EDA2R: variants seen among roughly 807,000 people sequenced by gnomAD.
EDA2R encodes tumor necrosis factor receptor superfamily member 27.
A neutral mutation model predicts 20.1 loss-of-function variants in EDA2R; 26 were observed. The ratio of observed to expected loss-of-function variants is 1.30; its 90% CI spans 0.95 to 1.80. The LOEUF (loss-of-function observed/expected upper bound fraction) is 1.80, where lower values mean the gene tolerates loss of function less well. Among genes scored for constraint, EDA2R ranks in the 40% most tolerant of loss-of-function variants. The pLI, the probability that EDA2R is intolerant of heterozygous loss-of-function variation, is 0.00. For missense variants in EDA2R, 277 were observed against 228.7 expected (o/e 1.21, Z -1.36); for synonymous variants, 114 against 88.7 (o/e 1.29, Z -1.60).
chrX:66,626,639 G>A (rs1224428973), intron 1 of EDA2R, among the ~76,000 whole-genome samples: 3 of 110,147 alleles, frequency 2.7e-5, no homozygotes, highest in Non-Finnish European at 5.7e-5. Context: ...TAGAGATCTA[G>A]ACATCCAAAT....
chrX:66,626,735 C>T (rs911087190), intron 1 of EDA2R, among the ~76,000 whole-genome samples: 1 of 93,982 alleles, frequency 1.1e-5, no homozygotes, highest in Non-Finnish European at 2.1e-5. Context: ...CTAAAGTTAA[C>T]ACAAAGGAAA....
chrX:66,615,308 T>G (rs1931481061), intron 2 of EDA2R, among the ~76,000 whole-genome samples: 1 of 111,845 alleles, frequency 8.9e-6, no homozygotes, highest in Non-Finnish European at 1.9e-5. Flanking sequence ...TGCTAGCTGC[T>G]TGCTTCTGGC....
intron 2 of EDA2R, among the ~76,000 whole-genome samples, chrX:66,615,353 C>G (rs964247438): frequency 8.9e-6 from 1 of 111,779 alleles, no homozygotes; most frequent in Non-Finnish European, 1.9e-5. Context: ...AATTTAATAC[C>G]ACCCCCAAGT....
chrX:66,610,796 G>T (rs865930644), intron 2 of EDA2R, among the ~76,000 whole-genome samples: 4 of 111,409 alleles, frequency 3.6e-5, no homozygotes, highest in Admixed American at 9.5e-5. Context: ...GGCACAAATT[G>T]TTGGCCTGAG....
rs771141382 is a variant in EDA2R at position 66,596,625 on chromosome X, G to T, written c.*1479C>A. On this transcript the variant is annotated 3_prime_UTR_variant, in exon 7 of 7. Coordinates refer to ENST00000374719, the MANE Select transcript of EDA2R (RefSeq NM_021783.5). ...CACTGCCAGCCACATGGCAACCTTT[G>T]AACACCTGCAGCCTGCTGAAGCCAA... The T allele has an allele frequency of 1.8e-5, 2 of 111,325 alleles. No homozygotes were observed. Among genetic ancestry groups the T allele is most frequent in the East Asian group, 5.7e-4 (2 of 3,539 alleles). 9.2% of individuals were successfully genotyped at this position (111,325 alleles called of 1,213,427 possible). A position where few individuals can be genotyped will look rare whatever the true frequency, so the allele number is the denominator to read the frequency against.
chrX:66,610,039 T>C (rs1403095179), intron 2 of EDA2R, among the ~76,000 whole-genome samples: 1 of 111,184 alleles, frequency 9.0e-6, no homozygotes, highest in Non-Finnish European at 1.9e-5. Flanking sequence ...TATAATTACA[T>C]AAAAATTTTA....
At chrX:66,611,120 G>A (rs1228816927) in intron 2 of EDA2R, among the ~76,000 whole-genome samples, 2 of 111,535 alleles carry the variant, frequency 1.8e-5, no homozygotes, top group African/African-American at 3.3e-5. Context: ...GATAAACCCC[G>A]CAGACCAAAA....
rs975440752 is a variant in EDA2R at position 66,597,872 on chromosome X, G to T, written c.*232C>A. 19 of 239,137 alleles carry T rather than the reference G, an allele frequency of 7.9e-5. No homozygotes were observed. The highest frequency in any genetic ancestry group is 1.3e-4 in the Non-Finnish European group (19 of 146,281). 19.7% of individuals were successfully genotyped at this position (239,137 alleles called of 1,213,427 possible). The stretch of plus-strand genomic sequence containing the variant: ...GAACATGTCTGGTAGTCCCATGAAT[G>T]TGGAATCTGGCTCCCCAGACTACAA... On this transcript the variant is annotated 3_prime_UTR_variant, in exon 7 of 7. Transcript: ENST00000374719.
rs753643237 is a variant in EDA2R, at chrX:66,598,082, G to T, written c.*22C>A. ...AGAACAACTGGGCAAGGCTGCCAGGGGCCCAAGAGACCTAAGGAGAGAGCA... is the reference window on the plus strand; with the variant it reads ...AGAACAACTGGGCAAGGCTGCCAGGTGCCCAAGAGACCTAAGGAGAGAGCA... On this transcript the variant is annotated 3_prime_UTR_variant, in exon 7 of 7. Transcript: ENST00000374719. 41 of 955,702 alleles carry T rather than the reference G, an allele frequency of 4.3e-5. No homozygotes were observed. The South Asian group carries it at 7.4e-4, about 17-fold the overall frequency. The allele number at this position is 955,702 out of a possible 1,213,427, so 78.8% of individuals were successfully genotyped here.
intron 1 of EDA2R, among the ~76,000 whole-genome samples, chrX:66,629,335 C>T (rs940974142): frequency 2.7e-5 from 3 of 111,385 alleles, no homozygotes; most frequent in Admixed American, 1.9e-4. Context: ...TGGAAGTCCT[C>T]GCCAGAGCAA....
intron 1 of EDA2R, among the ~76,000 whole-genome samples, chrX:66,618,318 C>A (rs943888060): frequency 4.5e-5 from 5 of 112,039 alleles, no homozygotes; most frequent in African/African-American, 1.6e-4. Flanking sequence ...GAGGTCAGGG[C>A]GTATGTGTAA....
At chrX:66,633,603 G>T (rs1195870930) in intron 1 of EDA2R, among the ~76,000 whole-genome samples, 2 of 111,343 alleles carry the variant, frequency 1.8e-5, no homozygotes, top group African/African-American at 6.5e-5. Context: ...GGGAACAAAG[G>T]GTATTGGAGA....
At chrX:66,618,280 A>C (rs1420018605) in intron 1 of EDA2R, among the ~76,000 whole-genome samples, 2 of 112,024 alleles carry the variant, frequency 1.8e-5, no homozygotes, top group Non-Finnish European at 3.8e-5. Context: ...TAAAGAGAAC[A>C]AAATTATAGA....
At chrX:66,600,087 TC>T in intron 5 of EDA2R, 1 of 1,155,735 alleles carries the variant, frequency 8.7e-7, no homozygotes, top group Non-Finnish European at 1.2e-6. Flanking sequence ...GAGAAAATAA[TC>T]AATTTCTCTA....
chrX:66,600,071 G>T, intron 5 of EDA2R: 8 of 1,159,550 alleles, frequency 6.9e-6, no homozygotes, highest in Non-Finnish European at 9.2e-6. Context: ...AGCTGGTACT[G>T]GATCAGAGAA....
chrX:66,612,827 A>T (rs1931012799), intron 2 of EDA2R, among the ~76,000 whole-genome samples: 1 of 111,729 alleles, frequency 9.0e-6, no homozygotes, highest in Non-Finnish European at 1.9e-5. Context: ...ATTTTTAATA[A>T]ATTAAGGAGC....
intron 1 of EDA2R, among the ~76,000 whole-genome samples, chrX:66,628,709 A>C (rs1339036601): frequency 6.3e-5 from 7 of 110,260 alleles, no homozygotes; most frequent in African/African-American, 2.0e-4. Context: ...CATTACCAAA[A>C]AAAAAAAAAA....
At chrX:66,611,469 G>GA (rs1385631453) in intron 2 of EDA2R, among the ~76,000 whole-genome samples, 1 of 111,584 alleles carries the variant, frequency 9.0e-6, no homozygotes, top group Non-Finnish European at 1.9e-5. Flanking sequence ...CTTAAAAATA[G>GA]AAAATCTCAT....
chrX:66,630,992 TA>T (rs1333235369), intron 1 of EDA2R, among the ~76,000 whole-genome samples: 1 of 109,769 alleles, frequency 9.1e-6, no homozygotes, highest in Non-Finnish European at 1.9e-5. Flanking sequence ...TGTATGTACA[TA>T]AAAACACACG....
Sources: gnomAD v4.1 joint callset for allele counts (sites outside exome capture counted in the v4.1 genomes callset) on GRCh38, gnomAD v4.1.1 for gene constraint, MANE v1.5 for transcripts, NCBI Gene and HGNC (gene_info 2026-07-23, HGNC 2026-07-21) for gene names.